The following CCDC60 variants were observed in gnomAD, a reference collection of about 807,000 sequenced individuals.
CCDC60 encodes the protein coiled-coil domain-containing protein 60.
A neutral mutation model predicts 63.5 loss-of-function variants in CCDC60; 54 were observed. The ratio of observed to expected loss-of-function variants is 0.85; its 90% confidence interval spans 0.68 to 1.07. The LOEUF (loss-of-function observed/expected upper bound fraction) is 1.07. Ranked by LOEUF, CCDC60 falls within the 50% of genes least tolerant of loss-of-function variation. The pLI is 0.00. For synonymous variants in CCDC60, 206 were observed against 238.8 expected (o/e 0.86, Z 1.27); for missense variants, 651 against 684.3 (o/e 0.95, Z 0.54).
chr12:119,473,263 G>GA, intron 3 of CCDC60, among the ~76,000 whole-genome samples: 1 of 152,326 alleles, frequency 6.6e-6, no homozygotes, highest in African/African-American at 2.4e-5. Context: ...ACCAAGGATG[G>GA]AAAGGAAGTG....
chr12:119,388,566 T>C (rs1466664382), intron 1 of CCDC60, among the ~76,000 whole-genome samples: 14 of 152,254 alleles, frequency 9.2e-5, no homozygotes, highest in Admixed American at 5.9e-4. Flanking sequence ...ATTGTTTATT[T>C]ATATTTTCTC....
At chr12:119,485,333 G>T (rs1489012800) in intron 4 of CCDC60, among the ~76,000 whole-genome samples, 1 of 152,232 alleles carries the variant, frequency 6.6e-6, no homozygotes, top group Admixed American at 6.5e-5. Flanking sequence ...GGCTGCAGGT[G>T]GTAGCACAAG....
chr12:119,532,951 T>A (rs1952897957), intron 13 of CCDC60, among the ~76,000 whole-genome samples: 1 of 152,208 alleles, frequency 6.6e-6, no homozygotes, highest in African/African-American at 2.4e-5. Flanking sequence ...GATTGCTGGA[T>A]CAAATGGTAT....
chr12:119,493,621 T>A (rs1197511063), intron 5 of CCDC60, among the ~76,000 whole-genome samples: 2 of 152,194 alleles, frequency 1.3e-5, no homozygotes, highest in Non-Finnish European at 2.9e-5. Context: ...CCTTGTTAAT[T>A]CCACTGCTAA....
At chr12:119,364,027 C>T (rs1285829997) in intron 1 of CCDC60, among the ~76,000 whole-genome samples, 2 of 152,136 alleles carry the variant, frequency 1.3e-5, no homozygotes, top group South Asian at 4.1e-4. Context: ...TTCGAAAATA[C>T]GATCCTTGTA....
chr12:119,397,071 G>C (rs1477447395), intron 1 of CCDC60, among the ~76,000 whole-genome samples: 1 of 151,618 alleles, frequency 6.6e-6, no homozygotes, highest in African/African-American at 2.4e-5. Flanking sequence ...AGGGCATCTG[G>C]AGTTGTTCGT....
chr12:119,453,832 A>AGAG (rs559948259), intron 2 of CCDC60, among the ~76,000 whole-genome samples: 1 of 152,070 alleles, frequency 6.6e-6, no homozygotes, highest in Non-Finnish European at 1.5e-5. Flanking sequence ...AGGAAGAGGA[A>AGAG]GAGGAGGAGG....
chr12:119,401,457 C>T (rs749460521), intron 1 of CCDC60, among the ~76,000 whole-genome samples: 33 of 152,224 alleles, frequency 2.2e-4, no homozygotes, highest in Admixed American at 1.5e-3. Flanking sequence ...CAAGACAAGA[C>T]GCAATCTTGG....
At chr12:119,354,062 CTT>C (rs1419250819) in intron 1 of CCDC60, among the ~76,000 whole-genome samples, 3 of 90,660 alleles carry the variant, frequency 3.3e-5, no homozygotes, top group African/African-American at 1.1e-4. Context: ...TGCTCTCTCT[CTT>C]TCTCTCTCTC....
intron 1 of CCDC60, among the ~76,000 whole-genome samples, chr12:119,402,937 A>T (rs936896745): frequency 6.6e-6 from 1 of 152,238 alleles, no homozygotes. Flanking sequence ...TGGCCTACGC[A>T]AAAGAGAAAA....
intron 1 of CCDC60, among the ~76,000 whole-genome samples, chr12:119,353,578 T>C (rs1260219007): frequency 7.1e-6 from 1 of 140,036 alleles, no homozygotes; most frequent in Non-Finnish European, 1.6e-5. Flanking sequence ...CTCCCCTCTC[T>C]CCTTCTTCTT....
chr12:119,404,734 T>C lies in CCDC60; in HGVS notation c.91-23949T>C, dbSNP rs538378755. ...ATAGGGCACTCTTGAATCTCAGCTC[T>C]AGATAAGATCTTAACCCAGCTCCAA... On this transcript the variant is annotated intron_variant, in intron 1 of 13. Transcript: ENST00000327554. Among the ~76,000 whole-genome samples the C allele has an allele frequency of 1.4e-3, 220 of 152,270 alleles. 1 individual carries two copies. The highest frequency in any genetic ancestry group is 5.0e-3 in the African/African-American group (206 of 41,548).
chr12:119,349,722 C>T (rs1955635608), intron 1 of CCDC60, among the ~76,000 whole-genome samples: 2 of 152,152 alleles, frequency 1.3e-5, no homozygotes, highest in Non-Finnish European at 2.9e-5. Context: ...ACTCTCAATC[C>T]ACTCCATCCC....
chr12:119,418,386 C>CTTTTTTTTTTTTTTTTTT (rs556783132), intron 1 of CCDC60, among the ~76,000 whole-genome samples: 6 of 65,752 alleles, frequency 9.1e-5, no homozygotes, highest in Non-Finnish European at 1.6e-4. Flanking sequence ...TTCTTTCTTT[C>CTTTTTTTTTTTTTTTTTT]TTTTTTTTTT....
At chr12:119,493,758 A>T (rs1308411178) in intron 5 of CCDC60, among the ~76,000 whole-genome samples, 2 of 152,274 alleles carry the variant, frequency 1.3e-5, no homozygotes, top group East Asian at 3.9e-4. Flanking sequence ...GCAAAGTAGG[A>T]TCTGATTTTT....
At chr12:119,474,949 G>A (rs1253748493) in intron 3 of CCDC60, among the ~76,000 whole-genome samples, 1 of 152,202 alleles carries the variant, frequency 6.6e-6, no homozygotes, top group African/African-American at 2.4e-5. Flanking sequence ...CCTCTTTAAA[G>A]CCCAGGGTTC....
chr12:119,518,361 CCT>C (rs1008368581), intron 8 of CCDC60, among the ~76,000 whole-genome samples: 2 of 152,228 alleles, frequency 1.3e-5, no homozygotes, highest in African/African-American at 4.8e-5. Context: ...TTTCTCTAAA[CCT>C]CTGTTTTCTC....
intron 2 of CCDC60, among the ~76,000 whole-genome samples, chr12:119,469,599 C>T (rs1951017663): frequency 6.6e-6 from 1 of 152,132 alleles, no homozygotes; most frequent in South Asian, 2.1e-4. Flanking sequence ...AAGAAAAAGA[C>T]TTTTCAGACT....
chr12:119,487,930 C>T lies in CCDC60; in HGVS notation c.450-829C>T, dbSNP rs931114647. ...GACCTTGGCTCACTACAGCCTTGAC[C>T]TCCCTGGCTCAAGCGATCCTCTTAC... On this transcript the variant is annotated intron_variant, in intron 4 of 13. Coordinates refer to ENST00000327554, the MANE Select transcript of CCDC60 (RefSeq NM_178499.5). Among the ~76,000 whole-genome samples the T allele has an allele frequency of 3.9e-5, 6 of 152,106 alleles. No homozygotes were observed. In the East Asian group the frequency reaches 1.2e-3, roughly 29 times the overall value.
Sources: allele counts gnomAD v4.1 joint callset (sites outside exome capture counted in the v4.1 genomes callset), GRCh38; gene constraint gnomAD v4.1.1; transcripts MANE v1.5; gene names NCBI Gene and HGNC (gene_info 2026-07-23, HGNC 2026-07-21).